Variants in TBC1D32 observed in about 807,000 individuals in gnomAD.
TBC1D32 encodes the protein TBC1 domain family member 32.
A neutral mutation model predicts 170.3 loss-of-function variants in TBC1D32; 151 were observed. The ratio of observed to expected loss-of-function variants is 0.89; its 90% CI spans 0.78 to 1.01. The LOEUF (loss-of-function observed/expected upper bound fraction) is 1.01, where lower values mean the gene tolerates loss of function less well. TBC1D32 is among the 50% of genes least tolerant of loss of function. The pLI is 0.00. For missense variants in TBC1D32, 1,464 were observed against 1,457.1 expected, an observed-to-expected ratio of 1.00 and a Z score of -0.08; for synonymous variants, 498 against 488.0, an observed-to-expected ratio of 1.02 and a Z score of -0.27.
intron 20 of TBC1D32, 110 bp from the exon 21 acceptor site, chr6:121,223,462 A>G: frequency 1.4e-6 from 1 of 725,064 alleles, no homozygotes; most frequent in African/African-American, 1.8e-5. Flanking sequence ...TCATTTTTAA[A>G]TATACCTAAT....
intron 24 of TBC1D32, among the ~76,000 whole-genome samples, chr6:121,136,670 C>CAA (rs1224069785): frequency 2.0e-5 from 3 of 152,038 alleles, no homozygotes; most frequent in South Asian, 2.1e-4. Context: ...CTGCAAAAGA[C>CAA]AAAGGGAATT....
chr6:121,254,256 G>A (rs1798674636), intron 17 of TBC1D32, among the ~76,000 whole-genome samples: 1 of 151,934 alleles, frequency 6.6e-6, no homozygotes, highest in Non-Finnish European at 1.5e-5. Context: ...TGGAAGGAGG[G>A]TAAGGGATAA....
intron 22 of TBC1D32, among the ~76,000 whole-genome samples, chr6:121,192,742 G>A (rs1790231820): frequency 6.6e-6 from 1 of 152,156 alleles, no homozygotes; most frequent in Non-Finnish European, 1.5e-5. Flanking sequence ...CACTGAGTTT[G>A]TAAACTCAGA....
intron 15 of TBC1D32, among the ~76,000 whole-genome samples, chr6:121,269,292 G>A (rs1483149118): frequency 6.6e-6 from 1 of 152,118 alleles, no homozygotes; most frequent in African/African-American, 2.4e-5. Context: ...TGGGCTAAAT[G>A]CTCCAATTAA....
chr6:121,240,807 G>A (rs1212616571), intron 19 of TBC1D32, among the ~76,000 whole-genome samples: 13 of 150,512 alleles, frequency 8.6e-5, no homozygotes, highest in African/African-American at 2.0e-4. Context: ...CCCAGGAGGC[G>A]GAGGTTGCAG....
In TBC1D32 at chr6:121,105,923, T is replaced by G. The variant is rs192149186; in HGVS notation, c.3465+100A>C. On this transcript the variant is annotated intron_variant, in intron 30 of 31. Transcript: ENST00000398212. ...TAGCTTGAGGATTTTAAATACACTT[T>G]TATTAATTTAAAGGTATTTCCTTAT... 1.1e-3 allele frequency: 1,416 copies of G among 1,248,824 alleles called. 16 individuals are homozygous for G. The African/African-American group carries it at 0.018, about 16-fold the overall frequency. The allele number at this position is 1,248,824 out of a possible 1,614,324, so 77.4% of individuals were successfully genotyped here.
intron 17 of TBC1D32, among the ~76,000 whole-genome samples, chr6:121,247,396 T>G (rs546724313): frequency 6.6e-6 from 1 of 150,772 alleles, no homozygotes; most frequent in African/African-American, 2.4e-5. Context: ...ACAGGGCTTA[T>G]AAAACATAAC....
chr6:121,314,641 A>G (rs1808676528), intron 3 of TBC1D32, among the ~76,000 whole-genome samples: 2 of 152,240 alleles, frequency 1.3e-5, no homozygotes, highest in Non-Finnish European at 2.9e-5. Flanking sequence ...AAACAGCACA[A>G]TGCCCGTGCT....
chr6:121,082,816 C>T (rs1036525484), intron 31 of TBC1D32, among the ~76,000 whole-genome samples: 1 of 151,718 alleles, frequency 6.6e-6, no homozygotes, highest in Admixed American at 6.6e-5. Context: ...ATTGTAAATG[C>T]CCTGATAACT....
Position 121,157,630 on chromosome 6 carries a change from G to A in TBC1D32, c.2773+2380C>T, listed in dbSNP as rs79611199. On this transcript the variant is annotated intron_variant, in intron 24 of 31. Coordinates refer to ENST00000398212, the MANE Select transcript of TBC1D32 (RefSeq NM_152730.6). ...GTTATGTGCTTTAGTGTGTCTTTGC[G>A]GTAGCAGGTTTTGATCTTCCATTTC... Among the ~76,000 whole-genome samples the A allele has an allele frequency of 9.9e-3, 1,512 of 152,092 alleles. 21 individuals carry two copies. The highest frequency in any genetic ancestry group is 0.034 in the African/African-American group (1,419 of 41,480).
chr6:121,181,532 T>C (rs1321695190), intron 22 of TBC1D32, among the ~76,000 whole-genome samples: 4 of 152,252 alleles, frequency 2.6e-5, no homozygotes, highest in Admixed American at 2.6e-4. Context: ...CAATGAAACC[T>C]CTTTTCTTTA....
intron 13 of TBC1D32, among the ~76,000 whole-genome samples, chr6:121,281,907 GA>G (rs1803058258): frequency 6.6e-6 from 1 of 151,564 alleles, no homozygotes; most frequent in South Asian, 2.1e-4. Context: ...CAACAAACAT[GA>G]ATGCCAAAAG....
chr6:121,173,059 T>C (rs1787286746), intron 22 of TBC1D32, among the ~76,000 whole-genome samples: 1 of 152,036 alleles, frequency 6.6e-6, no homozygotes, highest in African/African-American at 2.4e-5. Context: ...TCTGTGAGGG[T>C]GTTGCCAAAT....
In TBC1D32 at chr6:121,102,642, G is replaced by A. The variant is rs1427613429; in HGVS notation, c.3465+3381C>T. On this transcript the variant is annotated intron_variant, in intron 30 of 31. Coordinates refer to ENST00000398212, the MANE Select transcript of TBC1D32 (RefSeq NM_152730.6). Reference sequence around the variant, plus strand: ...ACCTAAAACCATAAAAACCCTGGAAGAAAACCTAGGCAATACCATTCAGGA... The same window carrying A: ...ACCTAAAACCATAAAAACCCTGGAAAAAAACCTAGGCAATACCATTCAGGA... Among the ~76,000 whole-genome samples the A allele has an allele frequency of 1.5e-4, 23 of 152,206 alleles. No individual in the cohort carries two copies. The East Asian group carries it at 3.7e-3, about 24-fold the overall frequency.
intron 29 of TBC1D32, among the ~76,000 whole-genome samples, chr6:121,108,749 G>C (rs1582808103): frequency 6.6e-6 from 1 of 151,610 alleles, no homozygotes; most frequent in South Asian, 2.1e-4. Flanking sequence ...AAAAAAACTA[G>C]TTCTACTTTG....
chr6:121,209,807 G>A (rs532694236), intron 21 of TBC1D32, among the ~76,000 whole-genome samples: 1 of 152,302 alleles, frequency 6.6e-6, no homozygotes, highest in Non-Finnish European at 1.5e-5. Context: ...GAGGGCATAG[G>A]AGGACAGAAA....
At chr6:121,301,030 T>C (rs1342542818) in intron 9 of TBC1D32, among the ~76,000 whole-genome samples, 2 of 151,938 alleles carry the variant, frequency 1.3e-5, no homozygotes, top group East Asian at 3.9e-4. Context: ...CATTAAAAGG[T>C]CAGGAAACAA....
In TBC1D32 at chr6:121,126,468, T is replaced by C. The variant is rs772757407; in HGVS notation, c.2900-7A>G. 15 of 1,594,852 alleles carry C rather than the reference T, an allele frequency of 9.4e-6. No homozygotes were observed. In the Admixed American group the frequency reaches 2.4e-4, roughly 25 times the overall value. ...TCAAGTAATTCTATTAAGGCTGTAA[T>C]AAACAAAGGAATAATTAGGATATTA... On this transcript the variant is annotated splice_region_variant and splice_polypyrimidine_tract_variant and intron_variant, in intron 25 of 31. Transcript: ENST00000398212.
intron 22 of TBC1D32, among the ~76,000 whole-genome samples, chr6:121,199,412 G>C (rs1352827206): frequency 6.6e-6 from 1 of 151,136 alleles, no homozygotes; most frequent in Non-Finnish European, 1.5e-5. Flanking sequence ...TGTAGCTAAA[G>C]ATCAAAATAT....
Sources: allele counts gnomAD v4.1 joint callset (sites outside exome capture counted in the v4.1 genomes callset), GRCh38; gene constraint gnomAD v4.1.1; transcripts MANE v1.5; gene names NCBI Gene and HGNC (gene_info 2026-07-23, HGNC 2026-07-21).